Variants in EPB41L2 observed in about 807,000 individuals in gnomAD.
The protein encoded by EPB41L2 is band 4.1-like protein 2.
EPB41L2 carries 43 observed loss-of-function variants against 113.0 expected under a neutral mutation model. The observed-to-expected ratio is 0.38, with a 90% CI of 0.30 to 0.49. The LOEUF is 0.49. Among genes scored for constraint, EPB41L2 ranks in the 20% least tolerant of loss-of-function variants. EPB41L2 has a pLI of 0.95. For missense variants in EPB41L2, 1,147 were observed against 1,223.4 expected (o/e 0.94, Z 0.93); for synonymous variants, 442 against 436.7 (o/e 1.01, Z -0.15).
chr6:131,003,808 G>A (rs950578040), intron 1 of EPB41L2, among the ~76,000 whole-genome samples: 1 of 152,166 alleles, frequency 6.6e-6, no homozygotes, highest in Non-Finnish European at 1.5e-5. Context: ...GCATGGGCAG[G>A]TTATATCGGA....
intron 8 of EPB41L2, among the ~76,000 whole-genome samples, chr6:130,897,275 T>G (rs1794941365): frequency 6.6e-6 from 1 of 152,108 alleles, no homozygotes; most frequent in Non-Finnish European, 1.5e-5. Context: ...CACAAAACTT[T>G]AAACGACATG....
chr6:130,899,396 C>T, intron 8 of EPB41L2, 95 bp downstream of exon 8: 1 of 966,456 alleles, frequency 1.0e-6, no homozygotes. Flanking sequence ...ATATCCTTTT[C>T]CCAAAAATAA....
chr6:130,845,872 A>G (rs1776898007), intron 19 of EPB41L2, among the ~76,000 whole-genome samples: 2 of 152,198 alleles, frequency 1.3e-5, no homozygotes, highest in African/African-American at 4.8e-5. Context: ...GAAGTACAAC[A>G]ATGTCTAGAG....
rs574450681 is a variant in EPB41L2, at chr6:130,968,768, G to A, written c.-14-12269C>T. ...TTTTAAAGTTAAGTATTTCTACTCC[G>A]AGGATTCACTTAGTTCAGAACTACT... On this transcript the variant is annotated intron_variant, in intron 1 of 19. Coordinates refer to ENST00000337057, the MANE Select transcript of EPB41L2 (RefSeq NM_001431.4). 1.1e-4 allele frequency among the ~76,000 whole-genome samples: 17 copies of A among 149,736 alleles called. No individual in the cohort carries two copies. The East Asian group carries it at 2.1e-3, about 19-fold the overall frequency.
At chr6:131,007,206 G>A (rs1047371660) in intron 1 of EPB41L2, among the ~76,000 whole-genome samples, 13 of 152,296 alleles carry the variant, frequency 8.5e-5, no homozygotes, top group African/African-American at 3.1e-4. Flanking sequence ...CAGGTGGGCA[G>A]TTTCCCCGAT....
chr6:131,021,339 G>A (rs1234382766), intron 1 of EPB41L2, among the ~76,000 whole-genome samples: 2 of 152,074 alleles, frequency 1.3e-5, no homozygotes, highest in East Asian at 3.8e-4. Flanking sequence ...TTAAAGAACT[G>A]CACACCACTA....
rs1171922456 is a variant in EPB41L2 at position 130,955,161 on chromosome 6, T to G, written c.649A>C (p.Thr217Pro). ...AAGAGGGTCACTTTACACTGGACAG[T>G]TTTGGTCTTCTTGGTGACTTTTTGA... is the stretch of plus-strand genomic sequence containing the variant. Reference protein sequence around the residue: ...ASQKVTKKTKTVQCKVTLLDG... With the variant: ...ASQKVTKKTKPVQCKVTLLDG... Residue 217 changes from threonine to proline, a missense_variant, in exon 3 of 20, where the codon ACT (threonine) becomes CCT (proline). By Grantham distance (38) the Thr-to-Pro change is conservative. Coordinates refer to ENST00000337057, the MANE Select transcript of EPB41L2 (RefSeq NM_001431.4). 2 of 1,614,098 alleles carry G rather than the reference T, an allele frequency of 1.2e-6. No individual in the cohort carries two copies. Among genetic ancestry groups the G allele is most frequent in the Non-Finnish European group, 1.7e-6 (2 of 1,180,026 alleles).
chr6:130,844,915 C>T (rs755951523), intron 19 of EPB41L2, among the ~76,000 whole-genome samples: 6 of 152,102 alleles, frequency 3.9e-5, no homozygotes, highest in Admixed American at 6.5e-5. Context: ...TGGTGGCACA[C>T]GCCTGTAATC....
intron 3 of EPB41L2, among the ~76,000 whole-genome samples, chr6:130,927,942 C>T (rs559694737): frequency 1.2e-4 from 18 of 151,918 alleles, no homozygotes; most frequent in African/African-American, 3.9e-4. Flanking sequence ...AAAATACAAA[C>T]GTTAGCCAGG....
intron 17 of EPB41L2, among the ~76,000 whole-genome samples, chr6:130,864,162 T>A (rs985767120): frequency 1.3e-5 from 2 of 152,178 alleles, no homozygotes; most frequent in Non-Finnish European, 2.9e-5. Context: ...ATTATAAGAA[T>A]TTAGGTATCT....
chr6:131,056,708 C>T (rs1178256939), intron 1 of EPB41L2, among the ~76,000 whole-genome samples: 1 of 152,124 alleles, frequency 6.6e-6, no homozygotes, highest in African/African-American at 2.4e-5. Context: ...TCATTTAATC[C>T]TCATGTAACT....
At chr6:130,968,944 C>T (rs532845428) in intron 1 of EPB41L2, among the ~76,000 whole-genome samples, 1 of 152,194 alleles carries the variant, frequency 6.6e-6, no homozygotes, top group African/African-American at 2.4e-5. Flanking sequence ...GAGAATATGT[C>T]AGGCATTCAA....
intron 1 of EPB41L2, among the ~76,000 whole-genome samples, chr6:131,002,346 G>C (rs528266624): frequency 6.6e-6 from 1 of 152,280 alleles, no homozygotes; most frequent in South Asian, 2.1e-4. Context: ...GGAAAGTGGA[G>C]GGGAGAGAGA....
chr6:130,955,848 C>A, intron 2 of EPB41L2, 146 bp downstream of exon 2: 1 of 1,373,558 alleles, frequency 7.3e-7, no homozygotes, highest in Non-Finnish European at 9.8e-7. Context: ...CTATGGTAGA[C>A]CAATCTAAGA....
chr6:130,856,820 T>G (rs994706427), intron 19 of EPB41L2, among the ~76,000 whole-genome samples: 4 of 152,230 alleles, frequency 2.6e-5, no homozygotes, highest in African/African-American at 9.6e-5. Flanking sequence ...CATCAAGATT[T>G]AGTTATCACA....
intron 3 of EPB41L2, among the ~76,000 whole-genome samples, chr6:130,936,618 C>T (rs188975134): frequency 2.2e-3 from 341 of 152,112 alleles, no homozygotes; most frequent in Non-Finnish European, 3.4e-3. Context: ...AGAAATTTAT[C>T]CAAGGCATAC....
chr6:130,985,493 G>A (rs1217104338), intron 1 of EPB41L2, among the ~76,000 whole-genome samples: 1 of 152,214 alleles, frequency 6.6e-6, no homozygotes, highest in Non-Finnish European at 1.5e-5. Flanking sequence ...GCATAAGCTA[G>A]ATTCGACCTG....
intron 4 of EPB41L2, among the ~76,000 whole-genome samples, chr6:130,910,937 T>C (rs1466211819): frequency 2.0e-5 from 3 of 152,174 alleles, no homozygotes; most frequent in African/African-American, 7.2e-5. Context: ...GGAGTGTAAA[T>C]TAGTTCAACC....
chr6:130,932,355 T>G (rs1420748029), intron 3 of EPB41L2, among the ~76,000 whole-genome samples: 1 of 151,914 alleles, frequency 6.6e-6, no homozygotes, highest in Non-Finnish European at 1.5e-5. Flanking sequence ...AATTCTACTG[T>G]ATAAAAAGGA....
Sources: gnomAD v4.1 joint callset for allele counts (sites outside exome capture counted in the v4.1 genomes callset) on GRCh38, gnomAD v4.1.1 for gene constraint, MANE v1.5 for transcripts, NCBI Gene and HGNC (gene_info 2026-07-23, HGNC 2026-07-21) for gene names.